FBXO21: variants seen among roughly 807,000 people sequenced by gnomAD.
FBXO21 encodes F-box protein 21, also known as F-box only protein 21.
Under a neutral mutation model 76.6 loss-of-function variants are expected in FBXO21, and 32 were observed. That is an observed-to-expected ratio of 0.42 (90% CI 0.32 to 0.56). FBXO21 has a LOEUF of 0.56. Ranked by LOEUF, FBXO21 falls within the 20% of genes least tolerant of loss-of-function variation. The pLI is 0.16. For synonymous variants in FBXO21, 328 were observed against 311.5 expected (o/e 1.05, Z -0.56); for missense variants, 586 against 797.3 (o/e 0.73, Z 3.19).
At chr12:117,157,594 C>T (rs1955930860) in intron 10 of FBXO21, among the ~76,000 whole-genome samples, 1 of 152,128 alleles carries the variant, frequency 6.6e-6, no homozygotes, top group African/African-American at 2.4e-5. Flanking sequence ...TCCATGTTCT[C>T]ACACACAGAG....
In FBXO21 at chr12:117,189,308, T is replaced by G; in HGVS notation, c.294A>C (p.Glu98Asp). 1 of 1,614,166 alleles carries G rather than the reference T, an allele frequency of 6.2e-7. No individual in the cohort carries two copies. The highest frequency in any genetic ancestry group is 8.5e-7 in the Non-Finnish European group (1 of 1,180,024). Residue 98 changes from glutamate to aspartate, a missense_variant, in exon 2 of 12, where the codon GAA (glutamate) becomes GAC (aspartate). By Grantham distance (45) the Glu-to-Asp change is conservative. Coordinates refer to ENST00000622495, the MANE Select transcript of FBXO21 (RefSeq NM_015002.3). ...CAGCTTTTTGCCGAACTTTATACTC[T>G]TCCAACCAATTGACGTAGTCGGTGG... ...YSPTDYVNWL[E>D]EYKVRQKAGL...
At chr12:117,174,867 C>T (rs1956158274) in intron 4 of FBXO21, 70 bp from the exon 5 acceptor site, 3 of 1,507,308 alleles carry the variant, frequency 2.0e-6, no homozygotes, top group Admixed American at 1.8e-5. Flanking sequence ...CAATTTTACC[C>T]TGGACATCCT....
Position 117,186,514 on chromosome 12 carries a change from C to T in FBXO21, c.433G>A (p.Glu145Lys). The part of the protein sequence containing the change: ...ENLEGPEIFF[E>K]DELVCILNME... The stretch of plus-strand genomic sequence containing the variant: ...TTTAGGATACACACCAGTTCATCCT[C>T]AAAAAAAATCTCTGGTCCTTCAAGG... Residue 145 changes from glutamate (E) to lysine (K), a missense_variant, in exon 3 of 12, where the codon GAG (glutamate) becomes AAG (lysine). Physicochemically the swap from Glu to Lys is moderately conservative, Grantham distance 56. This residue lies in a region of FBXO21 where 246 missense variants were observed against 356.8 expected (regional missense o/e 0.69). Coordinates refer to ENST00000622495, the MANE Select transcript of FBXO21 (RefSeq NM_015002.3). 1 of 1,611,488 alleles carries T rather than the reference C, an allele frequency of 6.2e-7. No homozygotes were observed. The highest frequency in any genetic ancestry group is 8.5e-7 in the Non-Finnish European group (1 of 1,178,862).
At chr12:117,185,711 A>G (rs1956274994) in intron 3 of FBXO21, among the ~76,000 whole-genome samples, 1 of 152,256 alleles carries the variant, frequency 6.6e-6, no homozygotes, top group Admixed American at 6.5e-5. Context: ...AACAAAGTAG[A>G]TTATTTTGTA....
rs1365834269 is a variant in FBXO21 at position 117,168,922 on chromosome 12, TCAA to T, written c.1014-1848_1014-1846del. Among the ~76,000 whole-genome samples the T allele has an allele frequency of 3.9e-5, 6 of 152,346 alleles. No homozygotes were observed. In the East Asian group the frequency reaches 1.2e-3, roughly 29 times the overall value. The stretch of plus-strand genomic sequence containing the variant: ...TTGTGGAAGAGAGTGTGGTGATTCC[TCAA>T]AGGCCTGAAGACAGCTAAACCATTT... On this transcript the variant is annotated intron_variant, in intron 7 of 11. Coordinates refer to ENST00000622495, the MANE Select transcript of FBXO21 (RefSeq NM_015002.3).
intron 9 of FBXO21, among the ~76,000 whole-genome samples, chr12:117,161,743 A>C (rs986410320): frequency 2.0e-5 from 3 of 152,154 alleles, no homozygotes; most frequent in African/African-American, 7.2e-5. Flanking sequence ...AGAAACTGAC[A>C]CAAGAAGAGG....
intron 1 of FBXO21, among the ~76,000 whole-genome samples, chr12:117,189,770 G>T (rs967604186): frequency 2.6e-5 from 4 of 152,134 alleles, no homozygotes; most frequent in African/African-American, 7.2e-5. Context: ...CAAAAAAAGG[G>T]AAGTCGCTCC....
rs1042215364 is a variant in FBXO21 at position 117,165,635 on chromosome 12, A to C, written c.1194-18T>G. 4.4e-6 allele frequency: 7 copies of C among 1,582,236 alleles called. No homozygotes were observed. In the Admixed American group the frequency reaches 5.2e-5, roughly 12 times the overall value. The stretch of plus-strand genomic sequence containing the variant: ...TGCCTTCCCTAGCAGAGGAAAAACA[A>C]TGTTTGTCTCATCCTGCTTGTTTTT... On this transcript the variant is annotated intron_variant, in intron 8 of 11. Transcript: ENST00000622495.
chr12:117,150,763 CA>C (rs1360013474), intron 11 of FBXO21, among the ~76,000 whole-genome samples: 1 of 152,142 alleles, frequency 6.6e-6, no homozygotes, highest in African/African-American at 2.4e-5. Flanking sequence ...AAGCGAAAGC[CA>C]AAGCATCCTC....
Position 117,145,842 on chromosome 12 carries a change from C to G in FBXO21, c.*245G>C, listed in dbSNP as rs1955763171. 2 of 350,050 alleles carry G rather than the reference C, an allele frequency of 5.7e-6. No homozygotes were observed. Among genetic ancestry groups the G allele is most frequent in the Non-Finnish European group, 1.0e-5 (2 of 194,180 alleles). The allele number at this position is 350,050 out of a possible 1,614,324, so 21.7% of individuals were successfully genotyped here. On this transcript the variant is annotated 3_prime_UTR_variant, in exon 12 of 12. Coordinates refer to ENST00000622495, the MANE Select transcript of FBXO21 (RefSeq NM_015002.3). ...AAACTGTCACCACAGGACAAGCATACAAGCCATGCCACTGACACAGTGCCT... is the reference window on the plus strand; with the variant it reads ...AAACTGTCACCACAGGACAAGCATAGAAGCCATGCCACTGACACAGTGCCT...
rs767137945 is a variant in FBXO21, at chr12:117,172,538, C to G, written c.946G>C (p.Gly316Arg). The change falls in exon 7 of 12, where the codon GGA (glycine) becomes CGA (arginine). Residue 316 changes from glycine to arginine, a missense_variant. Transcript: ENST00000622495. ...AAGTTGACAGGCTCCAGTGGGACTC[C>G]CAACTGCCGAGCAATTGTCAAATAG... The part of the protein sequence containing the change: ...LLYLTIARQL[G>R]VPLEPVNFPS... 7 of 1,614,056 alleles carry G rather than the reference C, an allele frequency of 4.3e-6. No individual in the cohort carries two copies. The highest frequency in any genetic ancestry group is 5.1e-6 in the Non-Finnish European group (6 of 1,179,944).
At chr12:117,176,348 G>C (rs1298990933) in intron 4 of FBXO21, among the ~76,000 whole-genome samples, 2 of 152,108 alleles carry the variant, frequency 1.3e-5, no homozygotes, top group African/African-American at 4.8e-5. Flanking sequence ...TGAGAAGGAG[G>C]GATATCATGA....
At position 117,174,416 on chromosome 12, in the gene FBXO21, T is replaced by C. The variant is rs986684480; in HGVS notation, c.740-75A>G. Reference sequence around the variant, plus strand: ...CAGGTGCCCCAAACAACTCACAACATGAAGACATTGGCAATGGCCTAACAA... The same window carrying C: ...CAGGTGCCCCAAACAACTCACAACACGAAGACATTGGCAATGGCCTAACAA... On this transcript the variant is annotated intron_variant, in intron 5 of 11. Transcript: ENST00000622495. 4.7e-6 allele frequency: 7 copies of C among 1,499,372 alleles called. No individual in the cohort carries two copies. The African/African-American group carries it at 5.5e-5, about 12-fold the overall frequency. 92.9% of individuals were successfully genotyped at this position (1,499,372 alleles called of 1,614,324 possible).
At chr12:117,155,671 G>A in intron 11 of FBXO21, 120 bp downstream of exon 11, 1 of 1,141,808 alleles carries the variant, frequency 8.8e-7, no homozygotes, top group Non-Finnish European at 1.2e-6. Flanking sequence ...GCCGGCCATG[G>A]GGCGTCGGCC....
Position 117,165,388 on chromosome 12 carries a change from C to T in FBXO21, c.1326+97G>A, listed in dbSNP as rs138039100. The T allele has an allele frequency of 4.0e-5, 49 of 1,221,050 alleles. 1 individual carries two copies. The South Asian group carries it at 4.2e-4, about 10-fold the overall frequency. 75.6% of individuals were successfully genotyped at this position (1,221,050 alleles called of 1,614,324 possible). On this transcript the variant is annotated intron_variant, in intron 9 of 11. Coordinates refer to ENST00000622495, the MANE Select transcript of FBXO21 (RefSeq NM_015002.3). ...GAGACTGAATAAATTTGTGTTTATT[C>T]CCCATGTTAACACAAAGATAAGCTT... is the stretch of plus-strand genomic sequence containing the variant.
In FBXO21 at chr12:117,188,543, T is replaced by C. The variant is rs1956309634; in HGVS notation, c.375+684A>G. On this transcript the variant is annotated intron_variant, in intron 2 of 11. Transcript: ENST00000622495. ...CGGGGAGACAAAGCAAGACTCTGTC[T>C]CAAAAAAAGAAAAAAGAAAGAAACT... Among the ~76,000 whole-genome samples, 3 of 144,968 alleles carry C rather than the reference T, an allele frequency of 2.1e-5. No individual in the cohort carries two copies. In the Admixed American group the frequency reaches 2.1e-4, roughly 10 times the overall value.
rs543737780 is a variant in FBXO21 at position 117,153,206 on chromosome 12, C to A, written c.1675+2585G>T. Among the ~76,000 whole-genome samples the A allele has an allele frequency of 2.6e-5, 4 of 151,854 alleles. No homozygotes were observed. In the South Asian group the frequency reaches 8.3e-4, roughly 32 times the overall value. On this transcript the variant is annotated intron_variant, in intron 11 of 11. Coordinates refer to ENST00000622495, the MANE Select transcript of FBXO21 (RefSeq NM_015002.3). ...CAGTTAGGAAGTAGGCAAGCAGAGACCACCAGAATGGAAATGGGAGACACA... is the reference window on the plus strand; with the variant it reads ...CAGTTAGGAAGTAGGCAAGCAGAGAACACCAGAATGGAAATGGGAGACACA...
intron 11 of FBXO21, among the ~76,000 whole-genome samples, chr12:117,153,923 A>G (rs1036297685): frequency 1.3e-5 from 2 of 152,224 alleles, no homozygotes; most frequent in African/African-American, 4.8e-5. Flanking sequence ...CCTAGATATG[A>G]TTAGAGATCA....
rs1162672785 is a variant in FBXO21 at position 117,165,368 on chromosome 12, T to G, written c.1326+117A>C. 5 of 1,048,626 alleles carry G rather than the reference T, an allele frequency of 4.8e-6. No individual in the cohort carries two copies. In the African/African-American group the frequency reaches 6.3e-5, roughly 13 times the overall value. The allele number at this position is 1,048,626 out of a possible 1,614,324, so 65.0% of individuals were successfully genotyped here. A position where few individuals can be genotyped will look rare whatever the true frequency, so the allele number is the denominator to read the frequency against. On this transcript the variant is annotated intron_variant, in intron 9 of 11. Coordinates refer to ENST00000622495, the MANE Select transcript of FBXO21 (RefSeq NM_015002.3). ...TACCAATGGGTTATGATTGGGAGAC[T>G]GAATAAATTTGTGTTTATTCCCCAT... is the stretch of plus-strand genomic sequence containing the variant.
Sources: allele counts gnomAD v4.1 joint callset (sites outside exome capture counted in the v4.1 genomes callset), GRCh38; gene constraint gnomAD v4.1.1; regional missense constraint gnomAD v4.1.1; transcripts MANE v1.5; gene names NCBI Gene and HGNC (gene_info 2026-07-23, HGNC 2026-07-21).